NRXN1: variants seen among roughly 807,000 people sequenced by gnomAD.
The protein encoded by NRXN1 is neurexin-1.
Under a neutral mutation model 150.9 loss-of-function variants are expected in NRXN1, and 39 were observed. The ratio of observed to expected loss-of-function variants is 0.26; its 90% CI spans 0.20 to 0.34. The LOEUF is 0.34. NRXN1 is among the 10% of genes least tolerant of loss of function. The pLI, the probability that NRXN1 is intolerant of heterozygous loss-of-function variation, is 1.00. For synonymous variants in NRXN1, 924 were observed against 757.0 expected, an observed-to-expected ratio of 1.22 and a Z score of -3.62; for missense variants, 1,815 against 1,949.9, an observed-to-expected ratio of 0.93 and a Z score of 1.30.
rs565890673 is a variant in NRXN1, at chr2:50,921,903, C to T, written c.821-23G>A. 3.6e-6 allele frequency: 5 copies of T among 1,385,024 alleles called. No homozygotes were observed. The South Asian group carries it at 8.1e-5, about 22-fold the overall frequency. The allele number at this position is 1,385,024 out of a possible 1,614,324, so 85.8% of individuals were successfully genotyped here. ...TACCTATGGATTTGATGAAATGGGT[C>T]CATGAAGAAAGGGTTTCCAGACAAA... On this transcript the variant is annotated intron_variant, in intron 4 of 22. Transcript: ENST00000401669.
chr2:50,646,708 CT>C (rs552231598), intron 5 of NRXN1, among the ~76,000 whole-genome samples: 13,113 of 107,310 alleles, frequency 0.12, 508 homozygotes, highest in East Asian at 0.19. Flanking sequence ...TTCATGTTGT[CT>C]TTTTTTTTTT....
intron 5 of NRXN1, among the ~76,000 whole-genome samples, chr2:50,687,768 CCATTCAGTTT>C (rs1275672024): frequency 6.6e-6 from 1 of 152,106 alleles, no homozygotes. Context: ...GAATATGTCC[CCATTCAGTTT>C]CAAAGTATTT....
intron 5 of NRXN1, among the ~76,000 whole-genome samples, chr2:50,664,396 CGTGTGTGTGT>C (rs35702112): frequency 6.3e-4 from 68 of 108,076 alleles, no homozygotes; most frequent in East Asian, 2.8e-3. Context: ...AAGTTTAAAG[CGTGTGTGTGT>C]GTGTGTGTGT....
Position 49,920,852 on chromosome 2 carries a change from AACTT to A in NRXN1, c.*1088_*1091del, listed in dbSNP as rs1668073728. On this transcript the variant is annotated 3_prime_UTR_variant, in exon 23 of 23. Transcript: ENST00000401669. ...TTCACACCTTTCATACAAGTACTAAAACTTAATTGCAACAGAATGAAGGCTGTAC... is the reference window on the plus strand; with the variant it reads ...TTCACACCTTTCATACAAGTACTAAAAATTGCAACAGAATGAAGGCTGTAC... The A allele has an allele frequency of 6.6e-6, 1 of 152,586 alleles. No individual in the cohort carries two copies. Among genetic ancestry groups the A allele is most frequent in the African/African-American group, 2.4e-5 (1 of 41,430 alleles). 9.5% of individuals were successfully genotyped at this position (152,586 alleles called of 1,614,324 possible). A position where few individuals can be genotyped will look rare whatever the true frequency, so the allele number is the denominator to read the frequency against.
At chr2:50,757,947 C>A (rs1701353580) in intron 5 of NRXN1, 1 of 151,734 alleles carries the variant, frequency 6.6e-6, no homozygotes, top group East Asian at 2.0e-4. Flanking sequence ...ATAGGACCTC[C>A]TGACACATTC....
At chr2:50,635,114 C>T (rs1470857361) in intron 5 of NRXN1, among the ~76,000 whole-genome samples, 1 of 151,980 alleles carries the variant, frequency 6.6e-6, no homozygotes, top group Admixed American at 6.6e-5. Context: ...TTTACTGATG[C>T]CTGTGGGCAT....
intron 17 of NRXN1, among the ~76,000 whole-genome samples, chr2:50,300,483 T>C (rs555378218): frequency 2.2e-4 from 34 of 152,326 alleles, no homozygotes; most frequent in African/African-American, 7.0e-4. Flanking sequence ...GTCCCATTAA[T>C]AAGCTTTCTC....
intron 5 of NRXN1, among the ~76,000 whole-genome samples, chr2:50,655,198 A>G (rs1393836990): frequency 1.3e-5 from 2 of 151,978 alleles, no homozygotes; most frequent in African/African-American, 4.8e-5. Context: ...GGAAAAAAAA[A>G]AGATACAGCT....
At chr2:50,967,523 T>C (rs894648917) in intron 2 of NRXN1, among the ~76,000 whole-genome samples, 5 of 151,968 alleles carry the variant, frequency 3.3e-5, no homozygotes, top group Non-Finnish European at 7.4e-5. Context: ...TGGGCACTGA[T>C]TATGTTCTGG....
Position 50,364,574 on chromosome 2 carries a change from CT to C in NRXN1, c.3364+100867del, listed in dbSNP as rs151089132. On this transcript the variant is annotated intron_variant, in intron 17 of 22. Transcript: ENST00000401669. ...TTGTCAATTCTCTCCTGCTTCTCTC[CT>C]GTATAATCACAGTTGTCCAATTGAG... is the stretch of plus-strand genomic sequence containing the variant. Among the ~76,000 whole-genome samples, 248 of 152,230 alleles carry C rather than the reference CT, an allele frequency of 1.6e-3. 1 individual carries two copies. Among genetic ancestry groups the C allele is most frequent in the African/African-American group, 5.9e-3 (246 of 41,542 alleles).
chr2:50,117,964 C>G (rs1703293732), intron 18 of NRXN1, among the ~76,000 whole-genome samples: 1 of 152,004 alleles, frequency 6.6e-6, no homozygotes, highest in Admixed American at 6.6e-5. Context: ...AATTTTTGTT[C>G]TATGTCTATG....
intron 21 of NRXN1, among the ~76,000 whole-genome samples, chr2:49,946,527 A>T (rs1672923570): frequency 6.6e-6 from 1 of 152,092 alleles, no homozygotes; most frequent in Non-Finnish European, 1.5e-5. Context: ...TCTTACGTTT[A>T]AGTCTTTAAT....
chr2:51,019,918 A>G (rs1669325787), intron 2 of NRXN1, among the ~76,000 whole-genome samples: 1 of 152,012 alleles, frequency 6.6e-6, no homozygotes, highest in African/African-American at 2.4e-5. Flanking sequence ...TACTCCTTGG[A>G]TATATGTTAC....
intron 15 of NRXN1, among the ~76,000 whole-genome samples, chr2:50,490,162 A>AT: frequency 6.6e-6 from 1 of 152,216 alleles, no homozygotes; most frequent in East Asian, 1.9e-4. Context: ...GTTCTGTACC[A>AT]TGGCAATTGC....
At chr2:50,853,344 C>A (rs558712710) in intron 5 of NRXN1, among the ~76,000 whole-genome samples, 1 of 152,166 alleles carries the variant, frequency 6.6e-6, no homozygotes, top group South Asian at 2.1e-4. Flanking sequence ...AGAAATAATT[C>A]TTCATGTCCA....
intron 15 of NRXN1, among the ~76,000 whole-genome samples, chr2:50,485,234 G>A (rs2090780469): frequency 1.3e-5 from 2 of 152,192 alleles, no homozygotes; most frequent in African/African-American, 4.8e-5. Flanking sequence ...ATGTGAGAAT[G>A]AGACAGACAT....
At chr2:50,483,823 G>C (rs559803177) in intron 15 of NRXN1, among the ~76,000 whole-genome samples, 61 of 152,168 alleles carry the variant, frequency 4.0e-4, no homozygotes, top group Admixed American at 3.7e-3. Context: ...GAAATTAAAA[G>C]AGACTGATAA....
At chr2:50,078,647 A>G (rs6545149) in intron 19 of NRXN1, among the ~76,000 whole-genome samples, 48,917 of 151,908 alleles carry the variant, frequency 0.32, 8,707 homozygotes, top group African/African-American at 0.44. Flanking sequence ...TCGTGTAGTT[A>G]ACACTTTTGA....
At chr2:50,196,857 T>C (rs2061803635) in intron 18 of NRXN1, among the ~76,000 whole-genome samples, 1 of 152,070 alleles carries the variant, frequency 6.6e-6, no homozygotes, top group African/African-American at 2.4e-5. Context: ...AGCTAAATGA[T>C]GAGAACTTAC....
Sources: gnomAD v4.1 joint callset for allele counts (sites outside exome capture counted in the v4.1 genomes callset) on GRCh38, gnomAD v4.1.1 for gene constraint, MANE v1.5 for transcripts, NCBI Gene and HGNC (gene_info 2026-07-23, HGNC 2026-07-21) for gene names.